The following GBA2 variants were observed in gnomAD, a reference collection of about 807,000 sequenced individuals.
GBA2 encodes the protein non-lysosomal glucosylceramidase.
Under a neutral mutation model 112.9 loss-of-function variants are expected in GBA2, and 79 were observed. The ratio of observed to expected loss-of-function variants is 0.70; its 90% CI spans 0.58 to 0.84. The LOEUF (loss-of-function observed/expected upper bound fraction) is 0.84. GBA2 is among the 40% of genes least tolerant of loss of function. GBA2 has a pLI of 0.00. For missense variants in GBA2, 1,043 were observed against 1,190.0 expected (o/e 0.88, Z 1.82); for synonymous variants, 403 against 434.3 (o/e 0.93, Z 0.90).
intron 1 of GBA2, among the ~76,000 whole-genome samples, chr9:35,745,272 G>A (rs1386869438): frequency 1.1e-4 from 16 of 151,904 alleles, no homozygotes; most frequent in South Asian, 4.2e-4. Context: ...ACAGGTGCCC[G>A]CCACCATGCC....
rs368660186 is a variant in GBA2, at chr9:35,737,984, C to T, written c.2314-45G>A. On this transcript the variant is annotated intron_variant, in intron 15 of 16. Coordinates refer to ENST00000378103, the MANE Select transcript of GBA2 (RefSeq NM_020944.3). This position sits in a 1 kb window ranked among gnomAD's most constrained non-coding sequence, Gnocchi z 4.1. ...AACATGGTCTCATATACTTACTTCCCACCTCCAGGGAAAACCCATTTTTCT... is the reference window on the plus strand; with the variant it reads ...AACATGGTCTCATATACTTACTTCCTACCTCCAGGGAAAACCCATTTTTCT... 13 of 1,598,194 alleles carry T rather than the reference C, an allele frequency of 8.1e-6. No homozygotes were observed. In the African/African-American group the frequency reaches 1.3e-4, roughly 17 times the overall value.
At chr9:35,744,191 T>C in intron 3 of GBA2, 106 bp downstream of exon 3, 2 of 712,822 alleles carry the variant, frequency 2.8e-6, no homozygotes, top group East Asian at 2.7e-5. Flanking sequence ...ACTTATTAGA[T>C]TGAATCTTAT....
At chr9:35,742,886 T>C (rs2131991836) in intron 3 of GBA2, among the ~76,000 whole-genome samples, 1 of 152,382 alleles carries the variant, frequency 6.6e-6, no homozygotes, top group South Asian at 2.1e-4. Context: ...TCTCCATATC[T>C]GTGAGTTCCA....
intron 1 of GBA2, among the ~76,000 whole-genome samples, chr9:35,745,776 G>A (rs1168131573): frequency 6.6e-6 from 1 of 152,014 alleles, no homozygotes; most frequent in Non-Finnish European, 1.5e-5. Flanking sequence ...CATTCCAGAT[G>A]GGTCCTCACT....
Position 35,744,528 on chromosome 9 carries a change from T to C in GBA2, c.451+87A>G, listed in dbSNP as rs113363671. ...AACCTAGGGGATGGAACAGTGCAAT[T>C]TGCATAAGCTGGAAGTCTCTTCCTA... On this transcript the variant is annotated intron_variant, in intron 2 of 16. Transcript: ENST00000378103. The C allele has an allele frequency of 2.0e-3, 2,126 of 1,048,092 alleles. 32 individuals are homozygous for C. In the African/African-American group the frequency reaches 0.027, roughly 13 times the overall value. The allele number at this position is 1,048,092 out of a possible 1,614,324, so 64.9% of individuals were successfully genotyped here. A position where few individuals can be genotyped will look rare whatever the true frequency, so the allele number is the denominator to read the frequency against.
rs1827129504 is a variant in GBA2 at position 35,748,661 on chromosome 9, G to A, written c.44C>T (p.Ala15Val). The A allele has an allele frequency of 1.1e-5, 18 of 1,596,312 alleles. No individual in the cohort carries two copies. Among genetic ancestry groups the A allele is most frequent in the Non-Finnish European group, 1.5e-5 (18 of 1,169,446 alleles). ...DPGNMGTGVP[A>V]SEQISCAKED... is the part of the protein sequence containing the mutation. ...TTTGGCACAGCTTATCTGCTCCGAG[G>A]CTGGGACGCCGGTTCCCATGTTCCC... Residue 15 changes from alanine (A) to valine (V), a missense_variant, in exon 1 of 17, where the codon GCC becomes GTC. Transcript: ENST00000378103.
In GBA2 at chr9:35,740,902, C is replaced by T. The variant is rs1472373046; in HGVS notation, c.949G>A (p.Glu317Lys). ...NEPFCLERSG[E>K]TVRGLLLHHP... ...TGCAGGAGCAGCCCCCGGACAGTTT[C>T]CCCGCTACGCTCCAGACAGAAGGGC... Residue 317 changes from glutamate to lysine, a missense_variant, in exon 5 of 17, where the codon GAA (glutamate) becomes AAA (lysine). Transcript: ENST00000378103. The surrounding 1 kb of genome is among the most constrained non-coding windows in gnomAD (Gnocchi z 4.7). 1 of 1,613,852 alleles carries T rather than the reference C, an allele frequency of 6.2e-7. No individual in the cohort carries two copies. The highest frequency in any genetic ancestry group is 8.5e-7 in the Non-Finnish European group (1 of 1,179,866).
Position 35,740,732 on chromosome 9 carries a change from G to A in GBA2, c.1026+93C>T, listed in dbSNP as rs377567218. On this transcript the variant is annotated intron_variant, in intron 5 of 16. Transcript: ENST00000378103. This position sits in a 1 kb window ranked among gnomAD's most constrained non-coding sequence, Gnocchi z 4.7. The stretch of plus-strand genomic sequence containing the variant: ...TACTCTTAACCTCCCAGGCCCAGGG[G>A]CTTACAGGAGTATGATGAGGGTGGA... The A allele has an allele frequency of 3.2e-6, 5 of 1,552,194 alleles. No individual in the cohort carries two copies. In the East Asian group the frequency reaches 9.0e-5, roughly 28 times the overall value.
At chr9:35,744,796 T>C (rs1228914222) in intron 1 of GBA2, 90 bp from the exon 2 acceptor site, 6 of 754,982 alleles carry the variant, frequency 7.9e-6, no homozygotes, top group Non-Finnish European at 9.8e-6. Flanking sequence ...GACCTCCCAT[T>C]AAATGTCCCA....
In GBA2 at chr9:35,738,652, T is replaced by C; in HGVS notation, c.1948-20A>G. The C allele has an allele frequency of 6.2e-7, 1 of 1,605,162 alleles. No individual in the cohort carries two copies. The highest frequency in any genetic ancestry group is 8.5e-7 in the Non-Finnish European group (1 of 1,171,812). On this transcript the variant is annotated intron_variant, in intron 12 of 16. Coordinates refer to ENST00000378103, the MANE Select transcript of GBA2 (RefSeq NM_020944.3). Reference sequence around the variant, plus strand: ...CACAGCCTAGAGAGGGACCAAGATGTTGAAGACCTAGGTACCGAGGAAAGG... The same window carrying C: ...CACAGCCTAGAGAGGGACCAAGATGCTGAAGACCTAGGTACCGAGGAAAGG...
Position 35,738,083 on chromosome 9 carries a change from C to G in GBA2, c.2267G>C (p.Gly756Ala). 2.5e-6 allele frequency: 4 copies of G among 1,613,716 alleles called. No homozygotes were observed. The highest frequency in any genetic ancestry group is 3.4e-6 in the Non-Finnish European group (4 of 1,179,676). Reference sequence around the variant, plus strand: ...GCCACAGGCCTTCAGGAACCACTGTCCAGCACACTGGTCAGACATAACACT... The same window carrying G: ...GCCACAGGCCTTCAGGAACCACTGTGCAGCACACTGGTCAGACATAACACT... Reference protein sequence around the residue: ...SRSVMSDQCAGQWFLKACGLG... With the variant: ...SRSVMSDQCAAQWFLKACGLG... Residue 756 changes from glycine to alanine, a missense_variant, in exon 15 of 17, where the codon GGA becomes GCA. Transcript: ENST00000378103.
In GBA2 at chr9:35,737,779, A is replaced by G; in HGVS notation, c.2474T>C (p.Val825Ala). 6.2e-7 allele frequency: 1 copy of G among 1,614,018 alleles called. No individual in the cohort carries two copies. Among genetic ancestry groups the G allele is most frequent in the Non-Finnish European group, 8.5e-7 (1 of 1,179,964 alleles). ...VQSDEVWVGV[V>A]YGLAATMIQE... Reference sequence around the variant, plus strand: ...GATCATGGTAGCTGCCAGCCCGTAGACCACACCCACCCAGACTTCATCAGA... The same window carrying G: ...GATCATGGTAGCTGCCAGCCCGTAGGCCACACCCACCCAGACTTCATCAGA... The change falls in exon 16 of 17, where the codon GTC (valine) becomes GCC (alanine). Residue 825 changes from valine to alanine, a missense_variant. By Grantham distance (64) the Val-to-Ala change is moderately conservative. Transcript: ENST00000378103. The surrounding 1 kb of genome is among the most constrained non-coding windows in gnomAD (Gnocchi z 4.1).
At position 35,746,527 on chromosome 9, in the gene GBA2, G is replaced by T. The variant is rs1164111346; in HGVS notation, c.359+1819C>A. On this transcript the variant is annotated intron_variant, in intron 1 of 16. Transcript: ENST00000378103. The surrounding 1 kb of genome is among the most constrained non-coding windows in gnomAD (Gnocchi z 5.2). Reference sequence around the variant, plus strand: ...AATCGCTTGAACCCAGGAGACGGAGGTTGCACTGAGCTGAGATTGCACCAT... The same window carrying T: ...AATCGCTTGAACCCAGGAGACGGAGTTTGCACTGAGCTGAGATTGCACCAT... Among the ~76,000 whole-genome samples the T allele has an allele frequency of 2.0e-5, 3 of 152,094 alleles. No homozygotes were observed. The highest frequency in any genetic ancestry group is 4.4e-5 in the Non-Finnish European group (3 of 68,032).
At position 35,739,733 on chromosome 9, in the gene GBA2, CTG is replaced by C; in HGVS notation, c.1475_1476del (p.Thr492SerfsTer7). 1 of 1,613,900 alleles carries C rather than the reference CTG, an allele frequency of 6.2e-7. No individual in the cohort carries two copies. The highest frequency in any genetic ancestry group is 2.2e-5 in the East Asian group (1 of 44,886). Reference sequence around the variant, plus strand: ...GAGTCCTCAAGAACTTCCAGCCACACTGTGCCTCCATCAGCCAGGAAGTATAG... The same window carrying C: ...GAGTCCTCAAGAACTTCCAGCCACACTGCCTCCATCAGCCAGGAAGTATAG... ...NELYFLADGG[T>X]VWLEVLEDSL... On this transcript the variant is annotated frameshift_variant, in exon 9 of 17. Transcript: ENST00000378103. LOFTEE classifies it high-confidence loss of function.
In GBA2 at chr9:35,744,664, CT is replaced by C; in HGVS notation, c.401del (p.Lys134ArgfsTer7). The part of the protein sequence containing the change: ...WWYRKTHVEK[K>X]TPFIDMINSV... ...AATTGATCATGTCGATGAAAGGTGT[CT>C]TCTTTTCCACATGGGTCTTCCGGTA... On this transcript the variant is annotated frameshift_variant, in exon 2 of 17. Coordinates refer to ENST00000378103, the MANE Select transcript of GBA2 (RefSeq NM_020944.3). LOFTEE classifies it high-confidence loss of function. 1 of 1,611,348 alleles carries C rather than the reference CT, an allele frequency of 6.2e-7. No homozygotes were observed.
intron 10 of GBA2, 81 bp downstream of exon 10, chr9:35,739,234 G>A (rs1302992458): frequency 7.3e-6 from 8 of 1,096,146 alleles, no homozygotes; most frequent in South Asian, 1.3e-5. Flanking sequence ...GGAAGGGAAA[G>A]AAGAGACAAT....
intron 13 of GBA2, 21 bp downstream of exon 13, chr9:35,738,505 T>G (rs1449976839): frequency 6.3e-7 from 1 of 1,598,028 alleles, no homozygotes; most frequent in Admixed American, 1.7e-5. Context: ...TCAGGCCTCC[T>G]GGAAACCCCT....
Position 35,738,585 on chromosome 9 carries a change from G to T in GBA2, c.1995C>A (p.Leu665=), listed in dbSNP as rs139510090. The T allele has an allele frequency of 9.3e-6, 15 of 1,613,876 alleles. No individual in the cohort carries two copies. The African/African-American group carries it at 1.5e-4, about 16-fold the overall frequency. ...GGTCTGCATAGCCTCCATTTTCAAT[G>T]AGTCCATCATGGTCCTTGTCAAACT... ...EMKFDKDHDG[L]IENGGYADQT... is the part of the protein sequence containing the mutation. Residue 665 remains leucine, a synonymous_variant, in exon 13 of 17, where the codon CTC becomes CTA. Transcript: ENST00000378103.
Position 35,738,018 on chromosome 9 carries a change from GCTC to G in GBA2, c.2313+16_2313+18del, listed in dbSNP as rs200851781. 2.5e-6 allele frequency: 4 copies of G among 1,592,694 alleles called. No homozygotes were observed. Among genetic ancestry groups the G allele is most frequent in the Middle Eastern group, 3.3e-4 (2 of 5,986 alleles). On this transcript the variant is annotated intron_variant, in intron 15 of 16. Coordinates refer to ENST00000378103, the MANE Select transcript of GBA2 (RefSeq NM_020944.3). The stretch of plus-strand genomic sequence containing the variant: ...GGAAAACCCATTTTTCTCTCTGGCT[GCTC>G]CTCCTCCTCTCTCACCTCAGTGTCT...
Sources: gnomAD v4.1 joint callset for allele counts (sites outside exome capture counted in the v4.1 genomes callset) on GRCh38, gnomAD v4.1.1 for gene constraint, Gnocchi (gnomAD v3.1) non-coding constraint, MANE v1.5 for transcripts, NCBI Gene and HGNC (gene_info 2026-07-23, HGNC 2026-07-21) for gene names.